The following KCNG2 variants were observed in gnomAD, a reference collection of about 807,000 sequenced individuals.
KCNG2 encodes voltage-gated potassium channel regulatory subunit KCNG2.
A neutral mutation model predicts 12.3 loss-of-function variants in KCNG2; 7 were observed. The observed-to-expected ratio is 0.57, with a 90% CI of 0.32 to 1.07. The LOEUF (loss-of-function observed/expected upper bound fraction) is 1.07. KCNG2 is among the 50% of genes least tolerant of loss of function. The probability of loss-of-function intolerance (pLI) is 0.04; values close to 1 mark genes in which losing one functional copy is unlikely to be tolerated. For missense variants in KCNG2, 703 were observed against 726.0 expected, an observed-to-expected ratio of 0.97 and a Z score of 0.36; for synonymous variants, 414 against 351.4, an observed-to-expected ratio of 1.18 and a Z score of -1.99.
intron 1 of KCNG2, among the ~76,000 whole-genome samples, chr18:79,829,345 CTGTG>C (rs1260685234): frequency 1.3e-5 from 2 of 152,050 alleles, no homozygotes; most frequent in East Asian, 3.8e-4. Context: ...TCTTGTGTGT[CTGTG>C]TGTGTATCTG....
At chr18:79,892,134 A>ACACAGTG (rs1491091070) in intron 3 of KCNG2, among the ~76,000 whole-genome samples, 2 of 151,772 alleles carry the variant, frequency 1.3e-5, no homozygotes, top group East Asian at 3.9e-4. Context: ...AAAAAAAACA[A>ACACAGTG]CACAGTGCGG....
intron 3 of KCNG2, among the ~76,000 whole-genome samples, chr18:79,896,072 TCTC>T (rs1292549361): frequency 6.6e-6 from 1 of 152,196 alleles, no homozygotes; most frequent in African/African-American, 2.4e-5. Flanking sequence ...TTCAAGCAAT[TCTC>T]CTGCCTCAGC....
chr18:79,848,576 T>TC, intron 1 of KCNG2, among the ~76,000 whole-genome samples: 1 of 152,288 alleles, frequency 6.6e-6, no homozygotes, highest in East Asian at 1.9e-4. Flanking sequence ...AGACCCTGTT[T>TC]CCCCATGAAG....
intron 1 of KCNG2, among the ~76,000 whole-genome samples, chr18:79,813,583 C>G (rs568014225): frequency 6.6e-6 from 1 of 152,294 alleles, no homozygotes; most frequent in Admixed American, 6.5e-5. Context: ...TATCCTAAAC[C>G]TTCCACCTGC....
chr18:79,826,412 A>T (rs989578443), intron 1 of KCNG2, among the ~76,000 whole-genome samples: 45 of 152,356 alleles, frequency 3.0e-4, no homozygotes, highest in African/African-American at 1.0e-3. Flanking sequence ...AAGCTTCACA[A>T]CTGAGCGAGC....
chr18:79,827,442 G>A (rs1043491408), intron 1 of KCNG2, among the ~76,000 whole-genome samples: 15 of 152,212 alleles, frequency 9.9e-5, no homozygotes, highest in African/African-American at 1.9e-4. Context: ...CAGGGTTTCG[G>A]CCCCACCAGT....
At chr18:79,839,379 A>G (rs1240060590) in intron 1 of KCNG2, among the ~76,000 whole-genome samples, 2 of 152,228 alleles carry the variant, frequency 1.3e-5, no homozygotes, top group South Asian at 4.1e-4. Flanking sequence ...TCAGGAACAA[A>G]ATAGAGGACA....
intron 2 of KCNG2, 79 bp from the exon 3 acceptor site, chr18:79,863,549 C>T (rs1442683377): frequency 3.7e-6 from 4 of 1,080,614 alleles, no homozygotes; most frequent in African/African-American, 1.7e-5. Context: ...GGTGCCGGCC[C>T]GGCCCCTGGA....
chr18:79,804,195 C>T (rs769842142), intron 1 of KCNG2, among the ~76,000 whole-genome samples: 16 of 152,234 alleles, frequency 1.1e-4, no homozygotes, highest in Non-Finnish European at 2.1e-4. Context: ...CCTATGTGAC[C>T]TGTTTCCCAA....
At chr18:79,885,575 C>T (rs58736086) in intron 3 of KCNG2, among the ~76,000 whole-genome samples, 11,525 of 152,256 alleles carry the variant, frequency 0.076, 954 homozygotes, top group South Asian at 0.32. Context: ...CCCCACCGGT[C>T]CCTATGCCCG....
Position 79,827,516 on chromosome 18 carries a change from T to C in KCNG2, c.-114-28863T>C, listed in dbSNP as rs374829484. 9.4e-4 allele frequency among the ~76,000 whole-genome samples: 143 copies of C among 152,228 alleles called. 1 individual carries two copies. Among genetic ancestry groups the C allele is most frequent in the African/African-American group, 3.4e-3 (140 of 41,558 alleles). ...TCTCAAACTTGTGGTGCTGGGAATT[T>C]TTAGGACCTCCAGCAGCCTGTGTTC... On this transcript the variant is annotated intron_variant, in intron 1 of 3. Transcript: ENST00000316249.
rs771767989 is a variant in KCNG2, at chr18:79,864,343, G to T, written c.624+52G>T. On this transcript the variant is annotated intron_variant, in intron 3 of 3. Transcript: ENST00000316249. ...CCGGGCCGGAGCTGGGGCTGGGCTG[G>T]GATCTGGGCTGCGGGGAGGTGGGTG... 1.1e-5 allele frequency: 11 copies of T among 1,003,362 alleles called. No homozygotes were observed. The South Asian group carries it at 1.5e-4, about 14-fold the overall frequency. 62.2% of individuals were successfully genotyped at this position (1,003,362 alleles called of 1,614,324 possible).
Position 79,800,726 on chromosome 18 carries a change from A to G in KCNG2, c.-115+2712A>G, listed in dbSNP as rs1005317550. On this transcript the variant is annotated intron_variant, in intron 1 of 3. Transcript: ENST00000316249. The surrounding 1 kb of genome is among the most constrained non-coding windows in gnomAD (Gnocchi z 4.0). ...GCAGACGGGAGGTGGGCTGGTGCCT[A>G]TGGTTGCAGTCGGCCTGGCGTGTCC... Among the ~76,000 whole-genome samples the G allele has an allele frequency of 5.3e-5, 8 of 152,144 alleles. No individual in the cohort carries two copies. The highest frequency in any genetic ancestry group is 1.3e-4 in the Admixed American group (2 of 15,288).
intron 3 of KCNG2, among the ~76,000 whole-genome samples, chr18:79,888,699 AT>A (rs879828678): frequency 2.8e-4 from 40 of 145,026 alleles, no homozygotes; most frequent in Middle Eastern, 3.6e-3. Context: ...CTTTTGCCCA[AT>A]TTTTTTTTTT....
chr18:79,868,336 C>T (rs1599411643), intron 3 of KCNG2, among the ~76,000 whole-genome samples: 1 of 152,290 alleles, frequency 6.6e-6, no homozygotes, highest in Admixed American at 6.5e-5. Context: ...CCTGGTGACC[C>T]GTGTCCGAGC....
Position 79,884,729 on chromosome 18 carries a change from G to A in KCNG2, c.625-14311G>A, listed in dbSNP as rs769912792. On this transcript the variant is annotated intron_variant, in intron 3 of 3. Transcript: ENST00000316249. The surrounding 1 kb of genome is among the most constrained non-coding windows in gnomAD (Gnocchi z 5.5). Reference sequence around the variant, plus strand: ...ACGTGGCTTCGTGATGGGGAGCCACGGGGGCAGGGGTCCGCCCGGCTCTGT... The same window carrying A: ...ACGTGGCTTCGTGATGGGGAGCCACAGGGGCAGGGGTCCGCCCGGCTCTGT... Among the ~76,000 whole-genome samples the A allele has an allele frequency of 3.3e-5, 5 of 152,208 alleles. No individual in the cohort carries two copies. Among genetic ancestry groups the A allele is most frequent in the South Asian group, 2.1e-4 (1 of 4,836 alleles).
At chr18:79,798,499 G>A (rs1294131077) in intron 1 of KCNG2, among the ~76,000 whole-genome samples, 1 of 152,222 alleles carries the variant, frequency 6.6e-6, no homozygotes, top group East Asian at 1.9e-4. Flanking sequence ...GAGCGGGCGG[G>A]GTGTGGGCGA....
intron 3 of KCNG2, among the ~76,000 whole-genome samples, chr18:79,894,582 G>A (rs999932325): frequency 1.3e-4 from 20 of 151,634 alleles, no homozygotes; most frequent in African/African-American, 4.1e-4. Context: ...GCTTTTGATT[G>A]GGTTGTTCAC....
chr18:79,868,391 C>T (rs989505513), intron 3 of KCNG2, among the ~76,000 whole-genome samples: 7 of 152,148 alleles, frequency 4.6e-5, no homozygotes, highest in South Asian at 2.1e-4. Flanking sequence ...CCTGGTGACC[C>T]GTGTCCAAGC....
Sources: gnomAD v4.1 joint callset for allele counts (sites outside exome capture counted in the v4.1 genomes callset) on GRCh38, gnomAD v4.1.1 for gene constraint, Gnocchi (gnomAD v3.1) non-coding constraint, MANE v1.5 for transcripts, NCBI Gene and HGNC (gene_info 2026-07-23, HGNC 2026-07-21) for gene names.